The following DNAH5 variants were observed in gnomAD, a reference collection of about 807,000 sequenced individuals.
DNAH5 encodes axonemal beta dynein heavy chain 5.
DNAH5 carries 372 observed loss-of-function variants against 518.2 expected under a neutral mutation model. The observed-to-expected ratio is 0.72, with a 90% CI of 0.66 to 0.78. The LOEUF (loss-of-function observed/expected upper bound fraction) is 0.78, where lower values mean the gene tolerates loss of function less well. DNAH5 is among the 30% of genes least tolerant of loss of function. The pLI, the probability that DNAH5 is intolerant of heterozygous loss-of-function variation, is 0.00. For synonymous variants in DNAH5, 2,039 were observed against 2,025.9 expected (o/e 1.01, Z -0.17); for missense variants, 5,523 against 5,687.0 (o/e 0.97, Z 0.93).
In DNAH5 at chr5:13,855,497, C is replaced by T. The variant is rs1263862581; in HGVS notation, c.4950+3955G>A. Among the ~76,000 whole-genome samples the T allele has an allele frequency of 1.9e-4, 9 of 48,242 alleles. 3 individuals carry two copies. The highest frequency in any genetic ancestry group is 4.7e-4 in the Non-Finnish European group (9 of 18,974). The allele number at this position is 48,242 out of a possible 152,430, so 31.6% of individuals were successfully genotyped here. ...TGCTGGGATTACAGGCGTGAGCCACCGCGCCCGGCCATAAATCTTACATTT... is the reference window on the plus strand; with the variant it reads ...TGCTGGGATTACAGGCGTGAGCCACTGCGCCCGGCCATAAATCTTACATTT... On this transcript the variant is annotated intron_variant, in intron 30 of 78. Transcript: ENST00000265104.
At chr5:13,914,417 T>C (rs1776396687) in intron 10 of DNAH5, 103 bp downstream of exon 10, 4 of 1,353,136 alleles carry the variant, frequency 3.0e-6, no homozygotes, top group Non-Finnish European at 4.1e-6. Flanking sequence ...ATCACTGTTC[T>C]TTTTATCAAC....
At chr5:13,914,776 C>T in intron 9 of DNAH5, 134 bp from the exon 10 acceptor site, 1 of 881,416 alleles carries the variant, frequency 1.1e-6, no homozygotes. Flanking sequence ...ATTTTTTTTC[C>T]ATCACAGTTA....
At chr5:13,787,203 CA>C (rs202066683) in intron 51 of DNAH5, among the ~76,000 whole-genome samples, 33,830 of 107,348 alleles carry the variant, frequency 0.32, 3,788 homozygotes, top group Middle Eastern at 0.44. Context: ...GACTCTGTTT[CA>C]AAAAAAAAAA....
intron 70 of DNAH5, among the ~76,000 whole-genome samples, chr5:13,726,798 T>C (rs749739852): frequency 2.5e-4 from 38 of 152,322 alleles, no homozygotes; most frequent in Non-Finnish European, 5.1e-4. Flanking sequence ...CATTCTATTA[T>C]AAACCCAAGG....
At chr5:14,004,322 A>G (rs1784574832) in intron 1 of DNAH5, among the ~76,000 whole-genome samples, 1 of 152,176 alleles carries the variant, frequency 6.6e-6, no homozygotes, top group Admixed American at 6.5e-5. Context: ...TTCTCTGATG[A>G]GCTGCGGGCT....
chr5:13,757,076 T>C (rs1433769388), intron 61 of DNAH5, among the ~76,000 whole-genome samples: 2 of 152,218 alleles, frequency 1.3e-5, no homozygotes, highest in Non-Finnish European at 1.5e-5. Context: ...ATGGTGTACA[T>C]GTACCACATT....
chr5:13,713,008 C>T (rs977768814), intron 75 of DNAH5, among the ~76,000 whole-genome samples: 1 of 151,800 alleles, frequency 6.6e-6, no homozygotes, highest in African/African-American at 2.4e-5. Context: ...AAAAAAGATA[C>T]TTGCACATGC....
chr5:13,820,077 C>G (rs1361238124), intron 41 of DNAH5, among the ~76,000 whole-genome samples: 1 of 151,940 alleles, frequency 6.6e-6, no homozygotes, highest in African/African-American at 2.4e-5. Context: ...TAATAATAAC[C>G]ACCTCTCAAG....
chr5:13,773,547 A>C (rs1464508535), intron 55 of DNAH5, among the ~76,000 whole-genome samples: 2 of 152,206 alleles, frequency 1.3e-5, no homozygotes, highest in Non-Finnish European at 2.9e-5. Flanking sequence ...ACACAGTCTG[A>C]TCCATTCATT....
intron 58 of DNAH5, among the ~76,000 whole-genome samples, chr5:13,767,557 T>C (rs1196920469): frequency 1.3e-5 from 2 of 151,996 alleles, no homozygotes; most frequent in African/African-American, 2.4e-5. Context: ...AAGAGAAAAA[T>C]AGAACAGCAG....
intron 12 of DNAH5, among the ~76,000 whole-genome samples, chr5:13,908,447 C>G (rs1775614623): frequency 6.6e-6 from 1 of 152,186 alleles, no homozygotes. Flanking sequence ...CCTTTCTACC[C>G]TATGGCTTCG....
In DNAH5 at chr5:13,996,182, A is replaced by C. The variant is rs916125490; in HGVS notation, c.12+15466T>G. Reference sequence around the variant, plus strand: ...GGCTTTCTGGCTCATGCAGTTCAAAACTATTCTCTCCTCCACAGGGTAGTT... The same window carrying C: ...GGCTTTCTGGCTCATGCAGTTCAAACCTATTCTCTCCTCCACAGGGTAGTT... On this transcript the variant is annotated intron_variant, in intron 1 of 78. Coordinates refer to the DNAH5 transcript ENST00000681290. Among the ~76,000 whole-genome samples, 4 of 152,246 alleles carry C rather than the reference A, an allele frequency of 2.6e-5. No individual in the cohort carries two copies. In the East Asian group the frequency reaches 7.7e-4, roughly 29 times the overall value.
At chr5:13,746,447 G>A (rs985309111) in intron 65 of DNAH5, among the ~76,000 whole-genome samples, 1 of 152,098 alleles carries the variant, frequency 6.6e-6, no homozygotes, top group South Asian at 2.1e-4. Flanking sequence ...GAAAGAGGGA[G>A]GACAGGCCAA....
rs1479332924 is a variant in DNAH5 at position 13,692,086 on chromosome 5, A to C, written c.13773T>G (p.Val4591=). Residue 4591 remains valine, a synonymous_variant, in exon 79 of 79, where the codon GTT becomes GTG. Coordinates refer to ENST00000265104, the MANE Select transcript of DNAH5 (RefSeq NM_001369.3). ...CGGCAATGTAGTTCAAGTCCGTTCG[A>C]ACTGGCTTCTTATAGATGGGACAGG... is the stretch of plus-strand genomic sequence containing the variant. ...FYSCPIYKKP[V]RTDLNYIAAV... 3.1e-6 allele frequency: 5 copies of C among 1,614,086 alleles called. No individual in the cohort carries two copies. In the East Asian group the frequency reaches 1.1e-4, roughly 36 times the overall value.
chr5:13,901,359 C>T lies in DNAH5; in HGVS notation c.1945G>A (p.Ala649Thr). 3 of 1,614,110 alleles carry T rather than the reference C, an allele frequency of 1.9e-6. No homozygotes were observed. Among genetic ancestry groups the T allele is most frequent in the Non-Finnish European group, 2.5e-6 (3 of 1,180,022 alleles). ...TTGGCTTCTGCCGTGCTTAGCACAG[C>T]TGGGTGCTGCTGGAAAAGCTGCATG... ...QPMQLFQQHP[A>T]VLSTAEAKPI... Residue 649 changes from alanine (A) to threonine (T), a missense_variant, in exon 14 of 79, where the codon GCT becomes ACT. Around this residue, in one of 3 missense-constraint regions of DNAH5, gnomAD observed 5,121 missense variants for 5,223.3 expected, o/e 0.98. Coordinates refer to ENST00000265104, the MANE Select transcript of DNAH5 (RefSeq NM_001369.3).
At chr5:13,865,543 G>C in intron 27 of DNAH5, 125 bp downstream of exon 27, 1 of 760,120 alleles carries the variant, frequency 1.3e-6, no homozygotes, top group Non-Finnish European at 2.4e-6. Flanking sequence ...GATGTCAATG[G>C]ACAAGAACAA....
At chr5:13,788,942 A>C (rs374198718) in intron 50 of DNAH5, 28 bp from the exon 51 acceptor site, 72 of 1,601,278 alleles carry the variant, frequency 4.5e-5, no homozygotes, top group Middle Eastern at 1.7e-4. Context: ...AAAATGTGTT[A>C]GTAATTCCTG....
In DNAH5 at chr5:13,762,777, C is replaced by G. The variant is rs755407407; in HGVS notation, c.10226G>C (p.Trp3409Ser). The G allele has an allele frequency of 1.5e-5, 25 of 1,614,048 alleles. No individual in the cohort carries two copies. The highest frequency in any genetic ancestry group is 2.0e-5 in the Non-Finnish European group (24 of 1,180,026). ...VCGNVAGLCS[W>S]TKAMASFFSI... ...AAAGAAGGAAGCCATAGCTTTCGTCCAGGAACAAAGACCAGCTACATTTCC... is the reference window on the plus strand; with the variant it reads ...AAAGAAGGAAGCCATAGCTTTCGTCGAGGAACAAAGACCAGCTACATTTCC... The change falls in exon 60 of 79, where the codon TGG (tryptophan) becomes TCG (serine). Residue 3409 changes from tryptophan (W) to serine (S), a missense_variant. Coordinates refer to ENST00000265104, the MANE Select transcript of DNAH5 (RefSeq NM_001369.3).
chr5:13,842,166 G>A (rs964748859), intron 32 of DNAH5, among the ~76,000 whole-genome samples: 1 of 151,832 alleles, frequency 6.6e-6, no homozygotes, highest in African/African-American at 2.4e-5. Flanking sequence ...GATCACCTGA[G>A]GTCTGGAGTT....
Sources: allele counts gnomAD v4.1 joint callset (sites outside exome capture counted in the v4.1 genomes callset), GRCh38; gene constraint gnomAD v4.1.1; regional missense constraint gnomAD v4.1.1; transcripts MANE v1.5; gene names NCBI Gene and HGNC (gene_info 2026-07-23, HGNC 2026-07-21).